The following ITGAE variants were observed in gnomAD, a reference collection of about 807,000 sequenced individuals.
ITGAE encodes integrin alpha-E.
ITGAE carries 99 observed loss-of-function variants against 136.5 expected under a neutral mutation model. That is an observed-to-expected ratio of 0.73 (90% confidence interval 0.62 to 0.86). The LOEUF (loss-of-function observed/expected upper bound fraction) is 0.86. Ranked by LOEUF, ITGAE falls within the 40% of genes least tolerant of loss-of-function variation. ITGAE has a pLI of 0.00. For missense variants in ITGAE, 1,447 were observed against 1,515.3 expected, an observed-to-expected ratio of 0.95 and a Z score of 0.75; for synonymous variants, 613 against 591.8, an observed-to-expected ratio of 1.04 and a Z score of -0.52.
chr17:3,750,442 A>AAGT lies in ITGAE; in HGVS notation c.1931_1933dup (p.Tyr644dup), dbSNP rs776563791. 1 of 1,614,184 alleles carries AAGT rather than the reference A, an allele frequency of 6.2e-7. No homozygotes were observed. The highest frequency in any genetic ancestry group is 8.5e-7 in the Non-Finnish European group (1 of 1,180,026). On this transcript the variant is annotated inframe_insertion, in exon 16 of 31. Transcript: ENST00000263087. ...AAAGCCACCAGCCATGGACATGCCG[A>AAGT]AGTACTGGAGTCCTGGGGCCACCGT...
In ITGAE at chr17:3,728,131, A is replaced by G; in HGVS notation, c.2950T>C (p.Ser984Pro). The G allele has an allele frequency of 3.1e-6, 5 of 1,613,566 alleles. No homozygotes were observed. Among genetic ancestry groups the G allele is most frequent in the Non-Finnish European group, 4.2e-6 (5 of 1,179,448 alleles). Residue 984 changes from serine to proline, a missense_variant, in exon 25 of 31, where the codon TCT becomes CCT. Coordinates refer to ENST00000263087, the MANE Select transcript of ITGAE (RefSeq NM_002208.5). ...IMYVNTGQGL[S>P]HHKEFLFHVH... ...TGGAAGAGGAATTCTTTGTGGTGAG[A>G]AAGCCCCTGGCCTGTGTTCACGTAC...
Position 3,798,058 on chromosome 17 carries a change from A to G in ITGAE, c.34+3053T>C, listed in dbSNP as rs910379152. On this transcript the variant is annotated intron_variant, in intron 1 of 30. Transcript: ENST00000263087. This position sits in a 1 kb window ranked among gnomAD's most constrained non-coding sequence, Gnocchi z 4.3. The stretch of plus-strand genomic sequence containing the variant: ...TGGATGCCCGCATTCCTCCACTTAT[A>G]CCACACCTGCCACACGAATGCAGGC... 2.0e-5 allele frequency among the ~76,000 whole-genome samples: 3 copies of G among 151,856 alleles called. No homozygotes were observed. The highest frequency in any genetic ancestry group is 3.9e-4 in the East Asian group (2 of 5,148).
In ITGAE at chr17:3,743,478, G is replaced by T; in HGVS notation, c.2448+11C>A. The stretch of plus-strand genomic sequence containing the variant: ...TTAAGAGGGCTGGGTACTGGCTGTG[G>T]GTAGAGTCACCTGGAAGATGGCAAA... On this transcript the variant is annotated intron_variant, in intron 19 of 30. Transcript: ENST00000263087. 6.3e-7 allele frequency: 1 copy of T among 1,586,306 alleles called. No individual in the cohort carries two copies. Among genetic ancestry groups the T allele is most frequent in the Non-Finnish European group, 8.6e-7 (1 of 1,169,534 alleles).
At chr17:3,739,360 A>G (rs1311293084) in intron 20 of ITGAE, among the ~76,000 whole-genome samples, 1 of 152,224 alleles carries the variant, frequency 6.6e-6, no homozygotes, top group East Asian at 1.9e-4. Flanking sequence ...TGTTGTTCAC[A>G]GAAGTATCCC....
chr17:3,735,004 A>T, intron 20 of ITGAE, 55 bp from the exon 21 acceptor site: 1 of 1,596,920 alleles, frequency 6.3e-7, no homozygotes, highest in African/African-American at 1.3e-5. Context: ...AAAAACCTCA[A>T]CGCAATACAA....
chr17:3,729,329 A>C (rs2051288809), intron 24 of ITGAE, 149 bp downstream of exon 24: 5 of 661,806 alleles, frequency 7.6e-6, no homozygotes, highest in Non-Finnish European at 1.4e-5. Flanking sequence ...CCTAGAGATC[A>C]ATATCAGAGC....
chr17:3,727,013 A>G (rs2051229299), intron 26 of ITGAE, among the ~76,000 whole-genome samples: 1 of 151,946 alleles, frequency 6.6e-6, no homozygotes, highest in Non-Finnish European at 1.5e-5. Flanking sequence ...TACAGGAGTG[A>G]GCCATGGCAC....
chr17:3,770,438 C>G (rs2052393738), intron 2 of ITGAE, among the ~76,000 whole-genome samples: 1 of 152,110 alleles, frequency 6.6e-6, no homozygotes, highest in African/African-American at 2.4e-5. Flanking sequence ...CCCTCAGGGT[C>G]TATTTCCATG....
intron 8 of ITGAE, 150 bp from the exon 9 acceptor site, chr17:3,758,009 C>T (rs2052071804): frequency 1.1e-6 from 1 of 883,980 alleles, no homozygotes; most frequent in African/African-American, 1.7e-5. Context: ...CCCCTTAAGT[C>T]ACGCAGCGAG....
intron 14 of ITGAE, 56 bp downstream of exon 14, chr17:3,753,234 G>A: frequency 6.3e-7 from 1 of 1,575,930 alleles, no homozygotes; most frequent in East Asian, 2.2e-5. Context: ...CATCACCTCT[G>A]TGTCAGGCTG....
chr17:3,756,994 G>A lies in ITGAE; in HGVS notation c.1161C>T (p.Ile387=). ...TCCCGGAGCCCTCACCTTCCATGCTGATGATGTTGTACCGCAGTTTGCTCA... is the reference window on the plus strand; with the variant it reads ...TCCCGGAGCCCTCACCTTCCATGCTAATGATGTTGTACCGCAGTTTGCTCA... ...GLLSKLRYNI[I]SMEGTVGDAL... is the part of the protein sequence containing the mutation. The change falls in exon 10 of 31, where the codon ATC becomes ATT. Residue 387 remains isoleucine (I), a synonymous_variant. Transcript: ENST00000263087. The A allele has an allele frequency of 6.2e-7, 1 of 1,613,876 alleles. No individual in the cohort carries two copies. Among genetic ancestry groups the A allele is most frequent in the Non-Finnish European group, 8.5e-7 (1 of 1,179,840 alleles).
At chr17:3,762,891 G>C (rs1387198555) in intron 3 of ITGAE, among the ~76,000 whole-genome samples, 1 of 149,608 alleles carries the variant, frequency 6.7e-6, no homozygotes, top group African/African-American at 2.5e-5. Flanking sequence ...GAGCCACCGT[G>C]CCTGGCAGGA....
chr17:3,776,073 T>C (rs2052532174), intron 2 of ITGAE, among the ~76,000 whole-genome samples: 1 of 149,588 alleles, frequency 6.7e-6, no homozygotes, highest in African/African-American at 2.5e-5. Flanking sequence ...TTTTTTTTTT[T>C]TTGAGACGGA....
chr17:3,749,393 T>C (rs562842979), intron 16 of ITGAE, among the ~76,000 whole-genome samples: 45 of 152,102 alleles, frequency 3.0e-4, no homozygotes, highest in Admixed American at 5.2e-4. Flanking sequence ...GCTGGGACTA[T>C]AGGCGCCCGC....
At chr17:3,751,625 G>A in intron 15 of ITGAE, 25 bp downstream of exon 15, 1 of 1,599,592 alleles carries the variant, frequency 6.3e-7, no homozygotes, top group Non-Finnish European at 8.6e-7. Context: ...CCAGAGGAGA[G>A]GAAGGAGAGG....
At chr17:3,760,885 G>A (rs781345453) in intron 6 of ITGAE, 128 bp downstream of exon 6, 6 of 1,366,156 alleles carry the variant, frequency 4.4e-6, no homozygotes, top group Non-Finnish European at 5.8e-6. Context: ...AGCTGGTACA[G>A]GTCAGGTCTG....
At chr17:3,728,230 G>C (rs1422215984) in intron 24 of ITGAE, 62 bp from the exon 25 acceptor site, 8 of 1,276,554 alleles carry the variant, frequency 6.3e-6, no homozygotes, top group Non-Finnish European at 8.0e-6. Flanking sequence ...TGGAGACAGG[G>C]TCTCACTCTG....
intron 1 of ITGAE, among the ~76,000 whole-genome samples, chr17:3,791,900 T>A (rs2052948291): frequency 6.6e-6 from 1 of 152,206 alleles, no homozygotes; most frequent in Non-Finnish European, 1.5e-5. Context: ...TTGATCATTG[T>A]GTCATCCGCT....
chr17:3,757,955 A>C, intron 8 of ITGAE, 96 bp from the exon 9 acceptor site: 1 of 1,419,974 alleles, frequency 7.0e-7, no homozygotes, highest in African/African-American at 1.4e-5. Flanking sequence ...TAGAATTGGG[A>C]GGGTTCACAA....
Sources: allele counts gnomAD v4.1 joint callset (sites outside exome capture counted in the v4.1 genomes callset), GRCh38; gene constraint gnomAD v4.1.1; non-coding constraint Gnocchi (gnomAD v3.1); transcripts MANE v1.5; gene names NCBI Gene and HGNC (gene_info 2026-07-23, HGNC 2026-07-21).